GCLC: variants seen among roughly 807,000 people sequenced by gnomAD.
GCLC encodes glutamate--cysteine ligase catalytic subunit.
Under a neutral mutation model 81.5 loss-of-function variants are expected in GCLC, and 30 were observed. That is an observed-to-expected ratio of 0.37 (90% CI 0.28 to 0.50). The LOEUF (loss-of-function observed/expected upper bound fraction) is 0.50. Ranked by LOEUF, GCLC falls within the 20% of genes least tolerant of loss-of-function variation. The probability of loss-of-function intolerance (pLI) is 0.96; values close to 1 mark genes in which losing one functional copy is unlikely to be tolerated. For synonymous variants in GCLC, 262 were observed against 273.3 expected, an observed-to-expected ratio of 0.96 and a Z score of 0.41; for missense variants, 556 against 777.4, an observed-to-expected ratio of 0.72 and a Z score of 3.39.
chr6:53,499,103 G>T (rs150203213), intron 15 of GCLC, 136 bp from the exon 16 acceptor site: 8 of 681,486 alleles, frequency 1.2e-5, no homozygotes, highest in Admixed American at 2.2e-5. Flanking sequence ...TGCATGGCAG[G>T]GGGTGGGAAC....
intron 1 of GCLC, among the ~76,000 whole-genome samples, chr6:53,541,028 A>C (rs1199113466): frequency 6.6e-6 from 1 of 152,188 alleles, no homozygotes; most frequent in Non-Finnish European, 1.5e-5. Context: ...CAGCCTGGCC[A>C]ACATGGTGAA....
At position 53,509,075 on chromosome 6, in the gene GCLC, G is replaced by C. The variant is rs1488432753; in HGVS notation, c.828+101C>G. ...TTTATATTAGTCCATCTCTGACTGA[G>C]GTCTTAACTGGACTTAAATAGCACA... is the stretch of plus-strand genomic sequence containing the variant. On this transcript the variant is annotated intron_variant, in intron 7 of 15. Transcript: ENST00000650454. 6.6e-6 allele frequency: 5 copies of C among 754,882 alleles called. No individual in the cohort carries two copies. In the East Asian group the frequency reaches 1.3e-4, roughly 19 times the overall value. 46.8% of individuals were successfully genotyped at this position (754,882 alleles called of 1,614,324 possible).
At chr6:53,542,287 T>C (rs1240212187) in intron 1 of GCLC, among the ~76,000 whole-genome samples, 1 of 152,174 alleles carries the variant, frequency 6.6e-6, no homozygotes, top group African/African-American at 2.4e-5. Context: ...AATACAAGTT[T>C]GCATTATGGC....
At chr6:53,504,864 C>T (rs1764583569) in intron 12 of GCLC, among the ~76,000 whole-genome samples, 1 of 152,206 alleles carries the variant, frequency 6.6e-6, no homozygotes, top group African/African-American at 2.4e-5. Flanking sequence ...CAAGAGGAAC[C>T]CTGGCCCAGA....
chr6:53,538,112 G>A (rs897317532), intron 1 of GCLC, among the ~76,000 whole-genome samples: 1 of 143,542 alleles, frequency 7.0e-6, no homozygotes, highest in Non-Finnish European at 1.5e-5. Context: ...TCATTAATAA[G>A]CTAGGCATTT....
Position 53,543,700 on chromosome 6 carries a change from A to G in GCLC, c.150+796T>C, listed in dbSNP as rs17878714. ...ACAAAAAGTTTTGGCAGATGACACT[A>G]AATCAACAGTTTTAACATTGCTGCA... On this transcript the variant is annotated intron_variant, in intron 1 of 15. Transcript: ENST00000650454. 1.7e-3 allele frequency among the ~76,000 whole-genome samples: 266 copies of G among 152,356 alleles called. 1 individual carries two copies. In the Middle Eastern group the frequency reaches 0.024, roughly 14 times the overall value.
intron 6 of GCLC, chr6:53,512,922 T>C (rs1561942163): frequency 6.6e-6 from 1 of 152,226 alleles, no homozygotes; most frequent in Non-Finnish European, 1.5e-5. Flanking sequence ...CTCTAGAACT[T>C]AATGGTTTTC....
At position 53,507,019 on chromosome 6, in the gene GCLC, T is replaced by C. The variant is rs151321990; in HGVS notation, c.1091A>G (p.Asp364Gly). 119 of 1,575,758 alleles carry C rather than the reference T, an allele frequency of 7.6e-5. 1 individual carries two copies. The Admixed American group carries it at 1.7e-3, about 22-fold the overall frequency. The change falls in exon 10 of 16, where the codon GAT (aspartate) becomes GGT (glycine). Residue 364 changes from aspartate (D) to glycine (G), a missense_variant. By Grantham distance (94) the Asp-to-Gly change is moderately conservative (BLOSUM62 -1). Transcript: ENST00000650454. The stretch of plus-strand genomic sequence containing the variant: ...AGCAACATGCTGGGCCAGGAGATGA[T>C]CAATGCCTGCAAAAAGAGATCACAT... ...IYEQLLQEGI[D>G]HLLAQHVAHL...
At chr6:53,535,988 T>C (rs1218035295) in intron 1 of GCLC, among the ~76,000 whole-genome samples, 2 of 152,226 alleles carry the variant, frequency 1.3e-5, no homozygotes, top group African/African-American at 4.8e-5. Flanking sequence ...TACAAACTTG[T>C]ATGTTAATGT....
intron 12 of GCLC, among the ~76,000 whole-genome samples, chr6:53,501,741 C>T (rs943649193): frequency 6.6e-6 from 1 of 152,196 alleles, no homozygotes; most frequent in African/African-American, 2.4e-5. Context: ...AAATAGTATA[C>T]ATTCCACCAT....
Position 53,520,823 on chromosome 6 carries a change from A to G in GCLC, c.401T>C (p.Ile134Thr). 6.2e-7 allele frequency: 1 copy of G among 1,614,144 alleles called. No homozygotes were observed. The highest frequency in any genetic ancestry group is 8.5e-7 in the Non-Finnish European group (1 of 1,179,968). ...MRKRRKEATS[I>T]LEENQALCTI... is the part of the protein sequence containing the mutation. ...GCAAAGAGCCTGATTTTCTTCTAATATAGAAGTAGCCTCCTTCCGGCGTTT... is the reference window on the plus strand; with the variant it reads ...GCAAAGAGCCTGATTTTCTTCTAATGTAGAAGTAGCCTCCTTCCGGCGTTT... Residue 134 changes from isoleucine (I) to threonine (T), a missense_variant, in exon 3 of 16, where the codon ATA becomes ACA. Ile to Thr is a moderately conservative substitution (Grantham distance 89). Around this residue, in one of 3 missense-constraint regions of GCLC, gnomAD observed 234 missense variants for 303.8 expected, o/e 0.77. Coordinates refer to ENST00000650454, the MANE Select transcript of GCLC (RefSeq NM_001498.4).
chr6:53,518,901 CT>C (rs1762934938), intron 3 of GCLC, among the ~76,000 whole-genome samples: 1 of 152,182 alleles, frequency 6.6e-6, no homozygotes, highest in Non-Finnish European at 1.5e-5. Flanking sequence ...GGACAATGAC[CT>C]ATAGCAAAAG....
intron 1 of GCLC, among the ~76,000 whole-genome samples, chr6:53,530,699 T>C (rs952362703): frequency 6.6e-6 from 1 of 152,174 alleles, no homozygotes; most frequent in Non-Finnish European, 1.5e-5. Context: ...GCATATTCAA[T>C]GGTGTCGTTT....
At chr6:53,537,571 C>T (rs892276932) in intron 1 of GCLC, among the ~76,000 whole-genome samples, 1 of 151,868 alleles carries the variant, frequency 6.6e-6, no homozygotes, top group African/African-American at 2.4e-5. Flanking sequence ...GATGGTGTCA[C>T]TGCACTCTAG....
chr6:53,520,139 T>C (rs888906687), intron 3 of GCLC, among the ~76,000 whole-genome samples: 13 of 152,228 alleles, frequency 8.5e-5, no homozygotes, highest in Admixed American at 3.9e-4. Flanking sequence ...ACATATGATA[T>C]TCATGTACCT....
chr6:53,511,045 T>C (rs1764729034), intron 6 of GCLC, among the ~76,000 whole-genome samples: 1 of 152,152 alleles, frequency 6.6e-6, no homozygotes. Flanking sequence ...AGTGAGGAAA[T>C]GGGAGCTGGT....
intron 2 of GCLC, among the ~76,000 whole-genome samples, 169 bp from the exon 3 acceptor site, chr6:53,521,129 A>C (rs554092938): frequency 2.0e-5 from 3 of 152,194 alleles, no homozygotes; most frequent in African/African-American, 7.2e-5. Context: ...ATTCAACTAC[A>C]TAAGGGTCAA....
intron 2 of GCLC, among the ~76,000 whole-genome samples, chr6:53,521,526 GAGA>G (rs1379235568): frequency 2.0e-5 from 3 of 152,196 alleles, no homozygotes; most frequent in Non-Finnish European, 4.4e-5. Flanking sequence ...CTACTCTGCA[GAGA>G]AGGAGATGAG....
rs768784647 is a variant in GCLC, at chr6:53,544,695, C to G, written c.-50G>C. 12 of 1,530,126 alleles carry G rather than the reference C, an allele frequency of 7.8e-6. No individual in the cohort carries two copies. The highest frequency in any genetic ancestry group is 2.5e-5 in the East Asian group (1 of 40,790). 94.8% of individuals were successfully genotyped at this position (1,530,126 alleles called of 1,614,324 possible). ...CTCCTCCGGGCTGACGGCGGTCGCC[C>G]GCTCCGGGCGCGAGACGGACACTCA... On this transcript the variant is annotated 5_prime_UTR_variant, in exon 1 of 16. Transcript: ENST00000650454.
Sources: gnomAD v4.1 joint callset for allele counts (sites outside exome capture counted in the v4.1 genomes callset) on GRCh38, gnomAD v4.1.1 for gene constraint, gnomAD v4.1.1 regional missense constraint, MANE v1.5 for transcripts, NCBI Gene and HGNC (gene_info 2026-07-23, HGNC 2026-07-21) for gene names.